Variants in MYH13 observed in about 807,000 individuals in gnomAD.
MYH13 encodes myosin-13.
In MYH13, 177 loss-of-function variants were observed where a neutral mutation model predicts 232.1. The ratio of observed to expected loss-of-function variants is 0.76; its 90% CI spans 0.67 to 0.86. The LOEUF is 0.86. Among genes scored for constraint, MYH13 ranks in the 40% least tolerant of loss-of-function variants. MYH13 has a pLI of 0.00. For missense variants in MYH13, 2,246 were observed against 2,405.9 expected (o/e 0.93, Z 1.39); for synonymous variants, 884 against 923.5 (o/e 0.96, Z 0.78).
chr17:10,334,724 C>T (rs1427750492), intron 18 of MYH13, among the ~76,000 whole-genome samples: 1 of 151,898 alleles, frequency 6.6e-6, no homozygotes, highest in Non-Finnish European at 1.5e-5. Flanking sequence ...ACTAAAAATA[C>T]AAAAATTAGC....
chr17:10,344,164 T>C (rs748893086), intron 15 of MYH13, 55 bp from the exon 16 acceptor site: 2 of 1,572,206 alleles, frequency 1.3e-6, no homozygotes, highest in Non-Finnish European at 1.7e-6. Context: ...TGCTTCATGG[T>C]CTGGAGAAGC....
rs59243034 is a variant in MYH13, at chr17:10,364,550, G to T, written c.-12-8C>A. On this transcript the variant is annotated splice_polypyrimidine_tract_variant and splice_region_variant and intron_variant, in intron 2 of 40. Coordinates refer to ENST00000252172, the MANE Select transcript of MYH13 (RefSeq NM_003802.3). ...GCTCATGACTGCAGAGGGCTGGGAA[G>T]ACCAGAGGGACTGCTGAGTCTTGTG... 1.3e-6 allele frequency: 2 copies of T among 1,567,170 alleles called. No homozygotes were observed. The highest frequency in any genetic ancestry group is 2.7e-5 in the African/African-American group (2 of 73,944).
At chr17:10,366,381 G>GTTTGTTTTTTTTTTTTTTTTTTT (rs2071837334) in intron 2 of MYH13, among the ~76,000 whole-genome samples, 2 of 112,620 alleles carry the variant, frequency 1.8e-5, no homozygotes, top group African/African-American at 6.5e-5. Context: ...AAATAAATCT[G>GTTTGTTTTTTTTTTTTTTTTTTT]TTTTTTTTTT....
chr17:10,345,991 C>CAAAAAAAAAAAAAAAAAAAAAA (rs1211414796), intron 13 of MYH13, among the ~76,000 whole-genome samples: 34 of 83,052 alleles, frequency 4.1e-4, no homozygotes, highest in Admixed American at 8.5e-4. Context: ...GACTCTGTCT[C>CAAAAAAAAAAAAAAAAAAAAAA]AAAAAAAAAA....
At chr17:10,326,008 G>A (rs1441676113) in intron 22 of MYH13, among the ~76,000 whole-genome samples, 1 of 152,204 alleles carries the variant, frequency 6.6e-6, no homozygotes, top group Non-Finnish European at 1.5e-5. Context: ...ACACTGCAGG[G>A]TAATGCATGG....
chr17:10,319,346 T>G (rs1421034224), intron 26 of MYH13, among the ~76,000 whole-genome samples, 167 bp from the exon 27 acceptor site: 1 of 151,856 alleles, frequency 6.6e-6, no homozygotes, highest in Non-Finnish European at 1.5e-5. Context: ...CCGCCTCTAC[T>G]AAAAATACAA....
chr17:10,333,024 CA>C, intron 19 of MYH13, 49 bp downstream of exon 19: 2 of 1,413,082 alleles, frequency 1.4e-6, no homozygotes, highest in Non-Finnish European at 9.8e-7. Flanking sequence ...TAGGGAAATG[CA>C]AAAGGTGCCC....
chr17:10,321,428 A>C, intron 24 of MYH13, 104 bp downstream of exon 24: 1 of 1,163,464 alleles, frequency 8.6e-7, no homozygotes, highest in Non-Finnish European at 1.2e-6. Context: ...AGGGATGCTG[A>C]TTCCAGAGTC....
chr17:10,364,609 C>A (rs1044009389), intron 2 of MYH13, 67 bp from the exon 3 acceptor site: 15 of 1,377,738 alleles, frequency 1.1e-5, no homozygotes, highest in African/African-American at 5.8e-5. Flanking sequence ...GGGCCCCTAC[C>A]CTTATTCTAT....
At chr17:10,359,494 A>G (rs756185701) in intron 7 of MYH13, among the ~76,000 whole-genome samples, 1 of 152,150 alleles carries the variant, frequency 6.6e-6, no homozygotes, top group Non-Finnish European at 1.5e-5. Flanking sequence ...AGCCTTTATA[A>G]CAAACTGGCA....
Position 10,355,161 on chromosome 17 carries a change from G to A in MYH13, c.739-14C>T, listed in dbSNP as rs539574546. ...AATGAACTTCCCCTGTCCAATAACA[G>A]GTGGACAAATGTTACGGTTATTTGA... is the stretch of plus-strand genomic sequence containing the variant. On this transcript the variant is annotated splice_polypyrimidine_tract_variant and intron_variant, in intron 8 of 40. Transcript: ENST00000252172. 42 of 1,563,826 alleles carry A rather than the reference G, an allele frequency of 2.7e-5. No homozygotes were observed. The highest frequency in any genetic ancestry group is 3.3e-4 in the Middle Eastern group (2 of 6,032).
intron 26 of MYH13, 33 bp from the exon 27 acceptor site, chr17:10,319,212 T>C (rs772843355): frequency 5.0e-6 from 8 of 1,593,466 alleles, no homozygotes. Flanking sequence ...AATGTTATTG[T>C]GGAGGAGGGG....
At chr17:10,318,570 G>A (rs1906798965) in intron 27 of MYH13, among the ~76,000 whole-genome samples, 1 of 152,188 alleles carries the variant, frequency 6.6e-6, no homozygotes, top group African/African-American at 2.4e-5. Flanking sequence ...AATTTCTGTT[G>A]TTTATAAATT....
intron 40 of MYH13, 93 bp from the exon 41 acceptor site, chr17:10,301,058 A>C: frequency 8.7e-7 from 1 of 1,147,148 alleles, no homozygotes; most frequent in Non-Finnish European, 1.3e-6. Context: ...GAAAATCTGG[A>C]ACTTCAGAGG....
rs1906882245 is a variant in MYH13 at position 10,320,181 on chromosome 17, T to C, written c.3320A>G (p.Gln1107Arg). The C allele has an allele frequency of 1.3e-6, 2 of 1,599,920 alleles. No individual in the cohort carries two copies. The highest frequency in any genetic ancestry group is 1.1e-5 in the South Asian group (1 of 88,720). Reference sequence around the variant, plus strand: ...CAGTTCTTTAATCTTCTTTTGAAACTGCAAACTGTGGACTTGTTCGTCATC... The same window carrying C: ...CAGTTCTTTAATCTTCTTTTGAAACCGCAAACTGTGGACTTGTTCGTCATC... ...KIDDEQVHSL[Q>R]FQKKIKELQA... Residue 1107 changes from glutamine (Q) to arginine (R), a missense_variant, in exon 26 of 41, where the codon CAG becomes CGG. Physicochemically the swap from Gln to Arg is conservative, Grantham distance 43. Coordinates refer to ENST00000252172, the MANE Select transcript of MYH13 (RefSeq NM_003802.3).
intron 18 of MYH13, among the ~76,000 whole-genome samples, chr17:10,336,133 CG>C (rs2071573493): frequency 4.6e-5 from 7 of 152,096 alleles, no homozygotes; most frequent in Non-Finnish European, 1.5e-5. Context: ...AGAGCCGAGA[CG>C]CCACTCTTCT....
In MYH13 at chr17:10,309,356, C is replaced by T. The variant is rs536216236; in HGVS notation, c.5047G>A (p.Gly1683Ser). ...TCCTCCAGCTCCTCCAGCAGGAGGC[C>T]ATTCCTGCGCTCCACGATGGCCAGC... is the stretch of plus-strand genomic sequence containing the variant. ...EQLAIVERRN[G>S]LLLEELEEMK... The change falls in exon 35 of 41, where the codon GGC (glycine) becomes AGC (serine). Residue 1683 changes from glycine to serine, a missense_variant. By Grantham distance (56) the Gly-to-Ser change is moderately conservative (BLOSUM62 0). Transcript: ENST00000252172. The T allele has an allele frequency of 1.9e-6, 3 of 1,613,630 alleles. No individual in the cohort carries two copies. In the East Asian group the frequency reaches 6.7e-5, roughly 36 times the overall value.
Position 10,343,893 on chromosome 17 carries a change from C to A in MYH13, c.1801G>T (p.Asp601Tyr). 1.9e-6 allele frequency: 3 copies of A among 1,614,246 alleles called. No homozygotes were observed. The highest frequency in any genetic ancestry group is 8.5e-7 in the Non-Finnish European group (1 of 1,180,040). The change falls in exon 16 of 41, where the codon GAC (aspartate) becomes TAC (tyrosine). Residue 601 changes from aspartate to tyrosine, a missense_variant. Asp to Tyr is a radical substitution (Grantham distance 160). Transcript: ENST00000252172. ...CCCACCACAGTCTCGTTCAGGGGGT[C>A]CTTGTTTTTGTCCAGCCAGCCGGCG... ...NIAGWLDKNK[D>Y]PLNETVVGLY...
At chr17:10,354,046 A>G (rs891761538) in intron 11 of MYH13, among the ~76,000 whole-genome samples, 5 of 152,224 alleles carry the variant, frequency 3.3e-5, no homozygotes, top group Admixed American at 2.6e-4. Flanking sequence ...CATTTGTAAA[A>G]TGGAGACAAT....
Sources: allele counts gnomAD v4.1 joint callset (sites outside exome capture counted in the v4.1 genomes callset), GRCh38; gene constraint gnomAD v4.1.1; transcripts MANE v1.5; gene names NCBI Gene and HGNC (gene_info 2026-07-23, HGNC 2026-07-21).